The following TRIO variants were observed in gnomAD, a reference collection of about 807,000 sequenced individuals.
TRIO encodes triple functional domain protein.
A neutral mutation model predicts 351.9 loss-of-function variants in TRIO; 58 were observed. The ratio of observed to expected loss-of-function variants is 0.16; its 90% confidence interval spans 0.13 to 0.21. The LOEUF is 0.21. Among genes scored for constraint, TRIO ranks in the 10% least tolerant of loss-of-function variants. The pLI is 1.00. For missense variants in TRIO, 3,201 were observed against 4,027.8 expected, an observed-to-expected ratio of 0.79 and a Z score of 5.56; for synonymous variants, 1,758 against 1,595.7, an observed-to-expected ratio of 1.10 and a Z score of -2.42.
intron 34 of TRIO, among the ~76,000 whole-genome samples, chr5:14,445,780 C>T (rs2126386466): frequency 6.6e-6 from 1 of 152,298 alleles, no homozygotes; most frequent in South Asian, 2.1e-4. Flanking sequence ...GGCCCAAGGG[C>T]ACAGAAGCAG....
intron 1 of TRIO, among the ~76,000 whole-genome samples, chr5:14,240,840 A>G (rs115752132): frequency 0.021 from 3,154 of 152,158 alleles, 114 homozygotes; most frequent in African/African-American, 0.072. Context: ...GTTCCCCCCC[A>G]CCCCTTTTTT....
intron 2 of TRIO, among the ~76,000 whole-genome samples, chr5:14,279,255 C>T (rs116423322): frequency 6.6e-6 from 1 of 152,124 alleles, no homozygotes; most frequent in African/African-American, 2.4e-5. Flanking sequence ...GTACATAATT[C>T]CTATGAAGTT....
At chr5:14,387,402 A>T (rs374473420) in intron 21 of TRIO, 36 bp from the exon 22 acceptor site, 286 of 1,562,302 alleles carry the variant, frequency 1.8e-4, no homozygotes, top group South Asian at 2.3e-4. Flanking sequence ...AGTCGGATTC[A>T]TTTGCCTCAC....
chr5:14,361,134 A>G (rs920853875), intron 13 of TRIO, among the ~76,000 whole-genome samples: 1 of 152,180 alleles, frequency 6.6e-6, no homozygotes, highest in Admixed American at 6.5e-5. Flanking sequence ...AACCAACCAG[A>G]AGCATTAGTT....
intron 1 of TRIO, among the ~76,000 whole-genome samples, chr5:14,240,634 C>T (rs1794071758): frequency 6.6e-6 from 1 of 152,194 alleles, no homozygotes; most frequent in South Asian, 2.1e-4. Flanking sequence ...GGGTATGATT[C>T]CATGGGGTGT....
chr5:14,267,112 G>T (rs1335242201), intron 1 of TRIO, among the ~76,000 whole-genome samples: 1 of 152,158 alleles, frequency 6.6e-6, no homozygotes. Flanking sequence ...AATTCAAAAA[G>T]TGGGTACAAC....
At position 14,293,023 on chromosome 5, in the gene TRIO, G is replaced by C; in HGVS notation, c.1065G>C (p.Trp355Cys). 6.2e-7 allele frequency: 1 copy of C among 1,614,052 alleles called. No individual in the cohort carries two copies. Among genetic ancestry groups the C allele is most frequent in the South Asian group, 1.1e-5 (1 of 91,076 alleles). Residue 355 changes from tryptophan to cysteine, a missense_variant, in exon 6 of 57, where the codon TGG (tryptophan) becomes TGC (cysteine). Trp to Cys is a radical substitution (Grantham distance 215). Transcript: ENST00000344204. ...FEQDAEKMFD[W>C]ITHNKGLFLN... ...TTTCCTTCCGGTAGATGTTTGACTG[G>C]ATCACACACAACAAAGGCCTGTTTC... is the stretch of plus-strand genomic sequence containing the variant.
chr5:14,261,451 AC>A (rs1350552299), intron 1 of TRIO, among the ~76,000 whole-genome samples: 1 of 152,130 alleles, frequency 6.6e-6, no homozygotes, highest in Non-Finnish European at 1.5e-5. Context: ...AGGCTGAGGG[AC>A]CTGAGACAGC....
chr5:14,287,440 A>G (rs959911853), intron 4 of TRIO, among the ~76,000 whole-genome samples: 1 of 152,208 alleles, frequency 6.6e-6, no homozygotes, highest in Non-Finnish European at 1.5e-5. Flanking sequence ...AGATGAGGGA[A>G]TGTTAGGGAG....
At chr5:14,300,943 C>CCT (rs1245865374) in intron 7 of TRIO, among the ~76,000 whole-genome samples, 1 of 152,182 alleles carries the variant, frequency 6.6e-6, no homozygotes, top group African/African-American at 2.4e-5. Flanking sequence ...CTAAGTCCAG[C>CCT]TTAGTGCCTG....
chr5:14,302,921 GA>G (rs1202445951), intron 7 of TRIO, among the ~76,000 whole-genome samples: 1 of 152,228 alleles, frequency 6.6e-6, no homozygotes, highest in Non-Finnish European at 1.5e-5. Context: ...TCTTAACTGT[GA>G]TGGATTTCGA....
At chr5:14,491,245 T>G (rs1239037652) in intron 48 of TRIO, among the ~76,000 whole-genome samples, 1 of 152,156 alleles carries the variant, frequency 6.6e-6, no homozygotes. Flanking sequence ...TGCTCCAGCG[T>G]GTACTGATAC....
chr5:14,488,830 T>G, intron 48 of TRIO: 2 of 674,800 alleles, frequency 3.0e-6, no homozygotes, highest in South Asian at 3.1e-5. Flanking sequence ...GTCACCGTGT[T>G]GCTCTGGAAG....
At chr5:14,281,424 A>ACCCCCCCCCCCCCCCCCC (rs3061076) in intron 3 of TRIO, among the ~76,000 whole-genome samples, 2 of 89,332 alleles carry the variant, frequency 2.2e-5, no homozygotes, top group East Asian at 3.9e-4. Context: ...AGCCGTTAGA[A>ACCCCCCCCCCCCCCCCCC]CCCCCCCCCC....
intron 8 of TRIO, among the ~76,000 whole-genome samples, chr5:14,307,959 G>T (rs1738522933): frequency 6.6e-6 from 1 of 152,050 alleles, no homozygotes; most frequent in East Asian, 1.9e-4. Context: ...TTCCTAAATT[G>T]TTCAGACTTG....
At chr5:14,443,311 C>T (rs1383390626) in intron 34 of TRIO, among the ~76,000 whole-genome samples, 3 of 152,010 alleles carry the variant, frequency 2.0e-5, no homozygotes, top group African/African-American at 4.8e-5. Context: ...TAAGAAAAAG[C>T]GAAATTCGTG....
At chr5:14,352,888 GTT>G (rs34064494) in intron 11 of TRIO, among the ~76,000 whole-genome samples, 5,247 of 148,072 alleles carry the variant, frequency 0.035, 326 homozygotes, top group African/African-American at 0.12. Flanking sequence ...TAGTTTTTGG[GTT>G]TTTTTTTTTT....
Position 14,368,782 on chromosome 5 carries a change from C to G in TRIO, c.2949C>G (p.Asp983Glu), listed in dbSNP as rs775030885. ...AMLQANHYDM[D>E]MIRDCAEKVA... Reference sequence around the variant, plus strand: ...TACAGGCCAACCACTACGACATGGACATGATCCGGGACTGCGCCGAGAAGG... The same window carrying G: ...TACAGGCCAACCACTACGACATGGAGATGATCCGGGACTGCGCCGAGAAGG... The change falls in exon 17 of 57, where the codon GAC becomes GAG. Residue 983 changes from aspartate (D) to glutamate (E), a missense_variant. Physicochemically the swap from Asp to Glu is conservative, Grantham distance 45 (BLOSUM62 2). Around this residue, in one of 19 missense-constraint regions of TRIO, gnomAD observed 363 missense variants for 553.5 expected, o/e 0.66. Coordinates refer to ENST00000344204, the MANE Select transcript of TRIO (RefSeq NM_007118.4). 1.5e-5 allele frequency: 24 copies of G among 1,614,116 alleles called. No homozygotes were observed. The highest frequency in any genetic ancestry group is 1.9e-5 in the Non-Finnish European group (22 of 1,180,028).
rs777118991 is a variant in TRIO at position 14,355,660 on chromosome 5, C to A, written c.2047-2518C>A. 2.0e-4 allele frequency among the ~76,000 whole-genome samples: 31 copies of A among 152,172 alleles called. 2 individuals carry two copies. In the South Asian group the frequency reaches 2.3e-3, roughly 11 times the overall value. On this transcript the variant is annotated intron_variant, in intron 11 of 56. Transcript: ENST00000344204. ...AAATGTTAGTGCAAATTGGAAGAGT[C>A]CTTCATGCTATGATCTTTCCTATTT...
Sources: gnomAD v4.1 joint callset for allele counts (sites outside exome capture counted in the v4.1 genomes callset) on GRCh38, gnomAD v4.1.1 for gene constraint, gnomAD v4.1.1 regional missense constraint, MANE v1.5 for transcripts, NCBI Gene and HGNC (gene_info 2026-07-23, HGNC 2026-07-21) for gene names.